The following MORC1 variants were observed in gnomAD, a reference collection of about 807,000 sequenced individuals.
MORC1 encodes the protein MORC family CW-type zinc finger 1, also known as MORC family CW-type zinc finger protein 1.
MORC1 carries 59 observed loss-of-function variants against 134.9 expected under a neutral mutation model. The ratio of observed to expected loss-of-function variants is 0.44; its 90% CI spans 0.35 to 0.54. The LOEUF (loss-of-function observed/expected upper bound fraction) is 0.54, where lower values mean the gene tolerates loss of function less well. Among genes scored for constraint, MORC1 ranks in the 20% least tolerant of loss-of-function variants. The pLI is 0.00. For synonymous variants in MORC1, 395 were observed against 391.7 expected (o/e 1.01, Z -0.10); for missense variants, 947 against 1,134.5 (o/e 0.83, Z 2.37).
chr3:109,006,410 T>C (rs1948541576), intron 18 of MORC1, among the ~76,000 whole-genome samples: 1 of 152,172 alleles, frequency 6.6e-6, no homozygotes, highest in Non-Finnish European at 1.5e-5. Context: ...AAGTGAATAG[T>C]AAAGAAATGC....
intron 21 of MORC1, among the ~76,000 whole-genome samples, chr3:108,999,427 C>A (rs1559882390): frequency 6.6e-6 from 1 of 152,104 alleles, no homozygotes; most frequent in Non-Finnish European, 1.5e-5. Flanking sequence ...GAGTTGGTTG[C>A]ACTATGTTTA....
rs112916758 is a variant in MORC1 at position 109,117,985 on chromosome 3, C to T, written c.65+10G>A. 6,415 of 1,590,228 alleles carry T rather than the reference C, an allele frequency of 4.0e-3. 12 individuals are homozygous for T. Among genetic ancestry groups the T allele is most frequent in the Non-Finnish European group, 5.0e-3 (5,789 of 1,167,942 alleles). ...ACCCTCCCCGACCCCGACCCCACCT[C>T]GGCACTCACGAGTTGGCGTGGATGA... On this transcript the variant is annotated intron_variant, in intron 1 of 27. Coordinates refer to ENST00000232603, the MANE Select transcript of MORC1 (RefSeq NM_014429.4).
chr3:108,996,274 G>A (rs769433248), intron 21 of MORC1, among the ~76,000 whole-genome samples: 9 of 64,796 alleles, frequency 1.4e-4, no homozygotes, highest in Non-Finnish European at 2.8e-4. Context: ...GTGCGCGTGC[G>A]TGCGCGCGCG....
chr3:109,063,226 T>A lies in MORC1; in HGVS notation c.821A>T (p.Tyr274Phe). The change falls in exon 10 of 28, where the codon TAT becomes TTT. Residue 274 changes from tyrosine to phenylalanine, a missense_variant. Physicochemically the swap from Tyr to Phe is conservative, Grantham distance 22. Around this residue, in one of 3 missense-constraint regions of MORC1, gnomAD observed 722 missense variants for 817.0 expected, o/e 0.88. Coordinates refer to ENST00000232603, the MANE Select transcript of MORC1 (RefSeq NM_014429.4). ...TTTAAAAGAAGATGTGACATAAAGATACTTTCTGGAAAGAAACAAAAAGAA... is the reference window on the plus strand; with the variant it reads ...TTTAAAAGAAGATGTGACATAAAGAAACTTTCTGGAAAGAAACAAAAAGAA... ...LCYCLYRPRKYLYVTSSFKGA... is the reference protein window; with the variant it reads ...LCYCLYRPRKFLYVTSSFKGA... 6.4e-7 allele frequency: 1 copy of A among 1,572,936 alleles called. No homozygotes were observed. The highest frequency in any genetic ancestry group is 2.2e-5 in the East Asian group (1 of 44,542).
At chr3:109,018,902 C>T (rs1646591750) in intron 17 of MORC1, 1 of 152,146 alleles carries the variant, frequency 6.6e-6, no homozygotes, top group African/African-American at 2.4e-5. Context: ...CTTGTTAAAA[C>T]AGGAACTCCT....
rs1478098120 is a variant in MORC1, at chr3:109,043,247, G to A, written c.1331-7779C>T. ...TCAGCCTTAAAAATGAAGGGAATTT[G>A]ACATATGCTATAACATGGATGAACT... On this transcript the variant is annotated intron_variant, in intron 14 of 27. Coordinates refer to ENST00000232603, the MANE Select transcript of MORC1 (RefSeq NM_014429.4). 4.0e-5 allele frequency among the ~76,000 whole-genome samples: 6 copies of A among 149,298 alleles called. No homozygotes were observed. In the East Asian group the frequency reaches 1.2e-3, roughly 30 times the overall value.
At chr3:109,113,084 G>T (rs536848544) in intron 2 of MORC1, among the ~76,000 whole-genome samples, 44 of 152,334 alleles carry the variant, frequency 2.9e-4, no homozygotes, top group Admixed American at 2.8e-3. Flanking sequence ...TTTCAGACTT[G>T]CAGATGTCAA....
chr3:109,111,066 A>C (rs73853819), intron 2 of MORC1, among the ~76,000 whole-genome samples: 13,726 of 150,108 alleles, frequency 0.091, 1,639 homozygotes, highest in African/African-American at 0.27. Context: ...AAAAAAAAAA[A>C]AACAAAAAAA....
chr3:109,017,801 C>T (rs190116157), intron 17 of MORC1, among the ~76,000 whole-genome samples: 161 of 152,188 alleles, frequency 1.1e-3, no homozygotes, highest in African/African-American at 3.8e-3. Context: ...AGAATCATTA[C>T]CCTAGAAAGC....
rs569704538 is a variant in MORC1 at position 109,060,562 on chromosome 3, T to C, written c.967-692A>G. Reference sequence around the variant, plus strand: ...GGTGAAAGGTGGGTATGTCTTTTGATGTATGGCATACTACTGAATGAACAC... The same window carrying C: ...GGTGAAAGGTGGGTATGTCTTTTGACGTATGGCATACTACTGAATGAACAC... On this transcript the variant is annotated intron_variant, in intron 11 of 27. Coordinates refer to ENST00000232603, the MANE Select transcript of MORC1 (RefSeq NM_014429.4). 3.3e-5 allele frequency among the ~76,000 whole-genome samples: 5 copies of C among 152,198 alleles called. No homozygotes were observed. The South Asian group carries it at 1.0e-3, about 32-fold the overall frequency.
Position 109,027,946 on chromosome 3 carries a change from T to A in MORC1, c.1566-57A>T. On this transcript the variant is annotated intron_variant, in intron 16 of 27. Coordinates refer to ENST00000232603, the MANE Select transcript of MORC1 (RefSeq NM_014429.4). The stretch of plus-strand genomic sequence containing the variant: ...AGGAGAAATATAAAACTACTTACTG[T>A]CTGTAAAAGACGATTTACTTCTACA... 2.6e-6 allele frequency: 4 copies of A among 1,552,728 alleles called. No individual in the cohort carries two copies. The South Asian group carries it at 4.7e-5, about 18-fold the overall frequency.
At chr3:108,965,282 T>A (rs1248858867) in intron 26 of MORC1, among the ~76,000 whole-genome samples, 1 of 152,120 alleles carries the variant, frequency 6.6e-6, no homozygotes, top group Non-Finnish European at 1.5e-5. Context: ...ATGGCAAACA[T>A]TATGGAAACA....
chr3:109,016,635 C>T (rs905771020), intron 17 of MORC1, among the ~76,000 whole-genome samples: 10 of 151,928 alleles, frequency 6.6e-5, no homozygotes, highest in East Asian at 3.9e-4. Context: ...GGCCGAGGTG[C>T]GCAGATGACT....
At chr3:109,051,013 C>T (rs998881666) in intron 14 of MORC1, among the ~76,000 whole-genome samples, 3 of 152,136 alleles carry the variant, frequency 2.0e-5, no homozygotes, top group African/African-American at 7.2e-5. Context: ...TGTTTCTCCC[C>T]ACTTTTTATT....
Position 109,049,156 on chromosome 3 carries a change from A to G in MORC1, c.1330+5572T>C, listed in dbSNP as rs912705220. 9 of 985,128 alleles carry G rather than the reference A, an allele frequency of 9.1e-6. No homozygotes were observed. In the East Asian group the frequency reaches 9.1e-4, roughly 99 times the overall value. 61.0% of individuals were successfully genotyped at this position (985,128 alleles called of 1,614,324 possible). On this transcript the variant is annotated intron_variant, in intron 14 of 27. Transcript: ENST00000232603. ...CGTGTATCCTTAGCAAAGCTGTTAT[A>G]TTCATTTTCCTGGTAGTCCCTTTCT... is the stretch of plus-strand genomic sequence containing the variant.
chr3:108,966,530 A>G (rs1947224659), intron 26 of MORC1, among the ~76,000 whole-genome samples: 1 of 152,334 alleles, frequency 6.6e-6, no homozygotes, highest in South Asian at 2.1e-4. Context: ...GAGTTTGATG[A>G]CAGGATTATT....
intron 8 of MORC1, among the ~76,000 whole-genome samples, chr3:109,076,772 G>A (rs1034698687): frequency 2.6e-5 from 4 of 151,954 alleles, no homozygotes; most frequent in South Asian, 2.1e-4. Flanking sequence ...GTGGGAGCTG[G>A]ACAATGAGAA....
chr3:109,086,862 A>G (rs183975806), intron 8 of MORC1, among the ~76,000 whole-genome samples: 17 of 152,224 alleles, frequency 1.1e-4, no homozygotes, highest in Middle Eastern at 6.8e-3. Context: ...TATTATCTTT[A>G]AAACTTTGAA....
In MORC1 at chr3:109,078,012, C is replaced by T. The variant is rs112263162; in HGVS notation, c.690-8255G>A. ...GGGGGAAATAACAGACACAGACGGG[C>T]ATTATGTATTAATAAGAGCTTCACT... On this transcript the variant is annotated intron_variant, in intron 8 of 27. Coordinates refer to ENST00000232603, the MANE Select transcript of MORC1 (RefSeq NM_014429.4). 7.4e-3 allele frequency among the ~76,000 whole-genome samples: 1,123 copies of T among 152,072 alleles called. 9 individuals carry two copies. The highest frequency in any genetic ancestry group is 0.016 in the African/African-American group (666 of 41,540).
Sources: allele counts gnomAD v4.1 joint callset (sites outside exome capture counted in the v4.1 genomes callset), GRCh38; gene constraint gnomAD v4.1.1; regional missense constraint gnomAD v4.1.1; transcripts MANE v1.5; gene names NCBI Gene and HGNC (gene_info 2026-07-23, HGNC 2026-07-21).